Variants in ANKH observed in about 807,000 individuals in gnomAD.
The protein encoded by ANKH is mineralization regulator ANKH.
ANKH carries 15 observed loss-of-function variants against 49.0 expected under a neutral mutation model. That is an observed-to-expected ratio of 0.31 (90% CI 0.20 to 0.47). ANKH has a LOEUF of 0.47. Among genes scored for constraint, ANKH ranks in the 20% least tolerant of loss-of-function variants. The pLI is 1.00. For synonymous variants in ANKH, 273 were observed against 260.0 expected (o/e 1.05, Z -0.48); for missense variants, 429 against 652.0 (o/e 0.66, Z 3.72).
intron 1 of ANKH, among the ~76,000 whole-genome samples, chr5:14,837,838 G>A (rs145415855): frequency 0.012 from 1,800 of 152,210 alleles, 33 homozygotes; most frequent in African/African-American, 0.041. Flanking sequence ...TGTTTACTGC[G>A]GCACTATTCA....
chr5:14,731,440 G>T (rs983083024), intron 8 of ANKH, among the ~76,000 whole-genome samples: 1 of 152,192 alleles, frequency 6.6e-6, no homozygotes, highest in African/African-American at 2.4e-5. Context: ...GAAGGGAAAA[G>T]GGAAAGAGCT....
At chr5:14,835,769 G>A (rs527580905) in intron 1 of ANKH, among the ~76,000 whole-genome samples, 61 of 152,176 alleles carry the variant, frequency 4.0e-4, no homozygotes, top group Admixed American at 3.5e-3. Flanking sequence ...CATTTTATGA[G>A]GCCAGCATCA....
At position 14,818,084 on chromosome 5, in the gene ANKH, GA is replaced by G. The variant is rs34211280; in HGVS notation, c.97-48894del. 7.7e-3 allele frequency among the ~76,000 whole-genome samples: 1,003 copies of G among 130,630 alleles called. 17 individuals are homozygous for G. Among genetic ancestry groups the G allele is most frequent in the African/African-American group, 0.028 (952 of 34,586 alleles). The allele number at this position is 130,630 out of a possible 152,430, so 85.7% of individuals were successfully genotyped here. ...GTCTCAAAAAAAAAAAAAAAAAAAG[GA>G]AAAAAAAAAACCCAATGGCTAGGAG... On this transcript the variant is annotated intron_variant, in intron 1 of 11. Transcript: ENST00000284268.
chr5:14,779,296 C>G (rs1416522828), intron 1 of ANKH, among the ~76,000 whole-genome samples: 2 of 152,166 alleles, frequency 1.3e-5, no homozygotes, highest in Non-Finnish European at 2.9e-5. Context: ...ACTTGACTGG[C>G]CTTCCCATCA....
At chr5:14,815,054 C>T (rs776379160) in intron 1 of ANKH, among the ~76,000 whole-genome samples, 11 of 152,176 alleles carry the variant, frequency 7.2e-5, no homozygotes, top group South Asian at 4.1e-4. Context: ...TGTGTCTCTG[C>T]GCTTTTGAAC....
chr5:14,870,939 T>C (rs1164107422), intron 1 of ANKH: 1 of 359,018 alleles, frequency 2.8e-6, no homozygotes, highest in East Asian at 7.3e-5. Flanking sequence ...GGAAATCAAC[T>C]TGGACGCATT....
chr5:14,777,886 G>GTA (rs1739679118), intron 1 of ANKH, among the ~76,000 whole-genome samples: 1 of 152,206 alleles, frequency 6.6e-6, no homozygotes, highest in South Asian at 2.1e-4. Context: ...CACAGTAACA[G>GTA]AGTGGTCCCC....
chr5:14,789,776 T>C (rs1200586033), intron 1 of ANKH, among the ~76,000 whole-genome samples: 1 of 152,174 alleles, frequency 6.6e-6, no homozygotes, highest in East Asian at 1.9e-4. Flanking sequence ...AGTGGTGCGA[T>C]CTCAGCTCAC....
intron 1 of ANKH, among the ~76,000 whole-genome samples, chr5:14,847,005 CAA>C (rs386403087): frequency 3.6e-5 from 4 of 110,358 alleles, no homozygotes; most frequent in African/African-American, 7.0e-5. Context: ...AAGACTGCCT[CAA>C]AAAAAAAAAA....
Position 14,793,047 on chromosome 5 carries a change from T to TATATA in ANKH, c.97-23857_97-23856insTATAT, listed in dbSNP as rs1209292505. On this transcript the variant is annotated intron_variant, in intron 1 of 11. Coordinates refer to ENST00000284268, the MANE Select transcript of ANKH (RefSeq NM_054027.6). ...ATATATATATATAAAAATATATATA[T>TATATA]AAATATATATAAAATATATATAAAT... 7.7e-5 allele frequency among the ~76,000 whole-genome samples: 5 copies of TATATA among 64,744 alleles called. No homozygotes were observed. The East Asian group carries it at 2.2e-3, about 28-fold the overall frequency. 42.5% of individuals were successfully genotyped at this position (64,744 alleles called of 152,430 possible).
intron 1 of ANKH, among the ~76,000 whole-genome samples, chr5:14,828,555 A>G (rs1185245468): frequency 6.6e-6 from 1 of 152,006 alleles, no homozygotes; most frequent in Non-Finnish European, 1.5e-5. Context: ...AAACAACAAC[A>G]AAAAGTTTCC....
At chr5:14,718,839 CAA>C (rs1391402293) in intron 8 of ANKH, among the ~76,000 whole-genome samples, 1,379 of 133,742 alleles carry the variant, frequency 0.01, 20 homozygotes, top group Non-Finnish European at 0.012. Context: ...ACCCCCCCCC[CAA>C]AAAAAAAAGA....
chr5:14,704,904 A>AT lies in ANKH; in HGVS notation c.*6292dup, dbSNP rs1328774978. Reference sequence around the variant, plus strand: ...ATCCATAAACCCTGAAACAAAGCATATATAAATGCTCTTACCAATGCAAAA... The same window carrying AT: ...ATCCATAAACCCTGAAACAAAGCATATTATAAATGCTCTTACCAATGCAAAA... On this transcript the variant is annotated 3_prime_UTR_variant, in exon 12 of 12. Transcript: ENST00000284268. 1 of 152,262 alleles carries AT rather than the reference A, an allele frequency of 6.6e-6. No homozygotes were observed. Among genetic ancestry groups the AT allele is most frequent in the African/African-American group, 2.4e-5 (1 of 41,474 alleles). 9.4% of individuals were successfully genotyped at this position (152,262 alleles called of 1,614,324 possible).
At chr5:14,833,517 C>T (rs1226397852) in intron 1 of ANKH, among the ~76,000 whole-genome samples, 1 of 152,200 alleles carries the variant, frequency 6.6e-6, no homozygotes, top group Non-Finnish European at 1.5e-5. Flanking sequence ...GCCTGCTCCT[C>T]CCCCAGTCTG....
chr5:14,866,987 T>C (rs535988461), intron 1 of ANKH, among the ~76,000 whole-genome samples: 2 of 151,898 alleles, frequency 1.3e-5, no homozygotes, highest in Admixed American at 6.6e-5. Context: ...TGAAACCCCG[T>C]CTCTACAAAA....
At chr5:14,822,425 T>C (rs1353972765) in intron 1 of ANKH, among the ~76,000 whole-genome samples, 1 of 152,142 alleles carries the variant, frequency 6.6e-6, no homozygotes, top group Non-Finnish European at 1.5e-5. Flanking sequence ...GAGGAGGCTG[T>C]TTTTCCTAGC....
chr5:14,755,876 T>G lies in ANKH; in HGVS notation c.501A>C (p.Ser167=), dbSNP rs768653190. Reference sequence around the variant, plus strand: ...CCATATTTACCTGAGCTATGACATCTGAGATTGAGGCACATCCCACCAGGA... The same window carrying G: ...CCATATTTACCTGAGCTATGACATCGGAGATTGAGGCACATCCCACCAGGA... ...YSFLVGCASI[S]DVIAQVVFVA... The change falls in exon 4 of 12, where the codon TCA becomes TCC. Residue 167 remains serine, a synonymous_variant. Transcript: ENST00000284268. 5 of 1,614,060 alleles carry G rather than the reference T, an allele frequency of 3.1e-6. No individual in the cohort carries two copies. The highest frequency in any genetic ancestry group is 1.7e-5 in the Admixed American group (1 of 60,022).
intron 1 of ANKH, among the ~76,000 whole-genome samples, chr5:14,807,843 G>A (rs1447053891): frequency 1.3e-5 from 2 of 152,196 alleles, no homozygotes; most frequent in East Asian, 1.9e-4. Flanking sequence ...GTTCCTTGGT[G>A]AGAGGTCGGG....
intron 4 of ANKH, among the ~76,000 whole-genome samples, chr5:14,753,669 C>G (rs1218085249): frequency 6.6e-6 from 1 of 152,188 alleles, no homozygotes; most frequent in African/African-American, 2.4e-5. Flanking sequence ...CCACGAATCC[C>G]TTGGCAATGA....
Sources: allele counts gnomAD v4.1 joint callset (sites outside exome capture counted in the v4.1 genomes callset), GRCh38; gene constraint gnomAD v4.1.1; transcripts MANE v1.5; gene names NCBI Gene and HGNC (gene_info 2026-07-23, HGNC 2026-07-21).